The following CHL1 variants were observed in gnomAD, a reference collection of about 807,000 sequenced individuals.
CHL1 encodes cell adhesion molecule L1 like, also known as neural cell adhesion molecule L1-like protein.
Under a neutral mutation model 141.9 loss-of-function variants are expected in CHL1, and 96 were observed. The observed-to-expected ratio is 0.68, with a 90% CI of 0.57 to 0.80. CHL1 has a LOEUF of 0.80. CHL1 is among the 30% of genes least tolerant of loss of function. The pLI, the probability that CHL1 is intolerant of heterozygous loss-of-function variation, is 0.00. For synonymous variants in CHL1, 613 were observed against 502.2 expected (o/e 1.22, Z -2.95); for missense variants, 1,820 against 1,457.2 (o/e 1.25, Z -4.05).
At chr3:238,869 G>A (rs56694943) in intron 1 of CHL1, among the ~76,000 whole-genome samples, 1,759 of 152,156 alleles carry the variant, frequency 0.012, 34 homozygotes, top group African/African-American at 0.04. Context: ...GGAAGCAGAG[G>A]TTGCAGTGAG....
intron 1 of CHL1, among the ~76,000 whole-genome samples, chr3:209,474 C>A (rs552350330): frequency 1.8e-4 from 27 of 152,270 alleles, no homozygotes; most frequent in Non-Finnish European, 3.2e-4. Context: ...GAGTTCAGAT[C>A]ATTTATCTGA....
chr3:333,861 T>C (rs1400978946), intron 5 of CHL1, among the ~76,000 whole-genome samples: 1 of 152,242 alleles, frequency 6.6e-6, no homozygotes, highest in African/African-American at 2.4e-5. Context: ...CACACTTCAG[T>C]GCACAGATTA....
rs750694026 is a variant in CHL1, at chr3:405,595, G to T, written c.3559G>T (p.Asp1187Tyr). The T allele has an allele frequency of 1.2e-6, 2 of 1,613,464 alleles. No individual in the cohort carries two copies. The highest frequency in any genetic ancestry group is 1.7e-6 in the Non-Finnish European group (2 of 1,179,510). Residue 1187 changes from aspartate (D) to tyrosine (Y), a missense_variant, in exon 28 of 28, where the codon GAC becomes TAC. By Grantham distance (160) the Asp-to-Tyr change is radical. Transcript: ENST00000256509. Reference protein sequence around the residue: ...ADSLVEYGEGDHGLFSEDGSF... With the variant: ...ADSLVEYGEGYHGLFSEDGSF... ...CAGCTTAGTCGAATACGGAGAGGGA[G>T]ACCATGGTCTCTTCAGTGAAGATGG...
chr3:343,680 G>A (rs1244469222), intron 8 of CHL1, among the ~76,000 whole-genome samples: 1 of 152,128 alleles, frequency 6.6e-6, no homozygotes, highest in Non-Finnish European at 1.5e-5. Context: ...ATAAAATGTG[G>A]ACCAGTGATA....
intron 27 of CHL1, among the ~76,000 whole-genome samples, chr3:403,739 T>C (rs1412152086): frequency 6.6e-6 from 1 of 152,166 alleles, no homozygotes; most frequent in Non-Finnish European, 1.5e-5. Flanking sequence ...CCCTTTATAG[T>C]AGCTGATGTG....
chr3:206,009 C>T (rs1699405897), intron 1 of CHL1, among the ~76,000 whole-genome samples: 1 of 152,246 alleles, frequency 6.6e-6, no homozygotes, highest in Non-Finnish European at 1.5e-5. Flanking sequence ...CAGGATTCTC[C>T]AGCTATGGTC....
chr3:279,398 T>A (rs1217556756), intron 2 of CHL1, among the ~76,000 whole-genome samples: 1 of 152,198 alleles, frequency 6.6e-6, no homozygotes, highest in East Asian at 1.9e-4. Flanking sequence ...TTTTCCTTCT[T>A]CTTAAGGTAA....
chr3:340,996 A>G (rs183841858), intron 6 of CHL1, 80 bp downstream of exon 6: 275 of 1,406,046 alleles, frequency 2.0e-4, no homozygotes, highest in Admixed American at 1.3e-3. Flanking sequence ...GAATCCAAAG[A>G]CAAAATAAAA....
In CHL1 at chr3:360,987, A is replaced by T. The variant is rs555920025; in HGVS notation, c.1306+563A>T. 6.1e-4 allele frequency among the ~76,000 whole-genome samples: 92 copies of T among 151,588 alleles called. 1 individual carries two copies. In the South Asian group the frequency reaches 0.019, roughly 31 times the overall value. On this transcript the variant is annotated intron_variant, in intron 12 of 27. Coordinates refer to ENST00000256509, the MANE Select transcript of CHL1 (RefSeq NM_006614.4). ...GTGCCACATTTTCTTAATCCAGTCTATCATAGATGGACATTTGGGTTGGTT... is the reference window on the plus strand; with the variant it reads ...GTGCCACATTTTCTTAATCCAGTCTTTCATAGATGGACATTTGGGTTGGTT...
intron 7 of CHL1, 43 bp downstream of exon 7, chr3:342,125 C>T (rs1280711448): frequency 3.3e-6 from 5 of 1,518,958 alleles, no homozygotes; most frequent in Non-Finnish European, 2.7e-6. Context: ...ATGCTGAATG[C>T]AAATGTGTCT....
chr3:284,319 A>C, intron 2 of CHL1, among the ~76,000 whole-genome samples: 1 of 152,316 alleles, frequency 6.6e-6, no homozygotes, highest in Middle Eastern at 3.4e-3. Flanking sequence ...TGAAAAATTT[A>C]TTCATTAATT....
intron 1 of CHL1, among the ~76,000 whole-genome samples, chr3:220,480 T>C (rs112107270): frequency 0.12 from 17,938 of 151,918 alleles, 1,337 homozygotes; most frequent in African/African-American, 0.22. Flanking sequence ...GAGCCACACA[T>C]AAAATACACT....
intron 26 of CHL1, 37 bp downstream of exon 26, chr3:399,185 A>T: frequency 6.4e-7 from 1 of 1,559,276 alleles, no homozygotes; most frequent in Non-Finnish European, 8.8e-7. Context: ...CAACTTATTA[A>T]AAAGCATTTT....
chr3:326,248 C>T (rs960993769), intron 4 of CHL1, among the ~76,000 whole-genome samples, 184 bp downstream of exon 4: 3 of 151,926 alleles, frequency 2.0e-5, no homozygotes, highest in Non-Finnish European at 4.4e-5. Flanking sequence ...GTTTTTCTGC[C>T]ACTTGAATTT....
At chr3:322,655 T>C (rs1238493619) in intron 3 of CHL1, among the ~76,000 whole-genome samples, 1 of 139,978 alleles carries the variant, frequency 7.1e-6, no homozygotes, top group Non-Finnish European at 1.5e-5. Context: ...AATATATATA[T>C]ATATATATAT....
intron 19 of CHL1, among the ~76,000 whole-genome samples, chr3:385,295 A>C (rs529716271): frequency 3.1e-4 from 47 of 151,688 alleles, no homozygotes; most frequent in African/African-American, 1.1e-3. Context: ...AATCCTCACT[A>C]CTCCTTTGGG....
At chr3:343,799 G>A (rs967022722) in intron 8 of CHL1, among the ~76,000 whole-genome samples, 3 of 152,102 alleles carry the variant, frequency 2.0e-5, no homozygotes, top group African/African-American at 7.2e-5. Context: ...CATTTCCTTT[G>A]AGATTAATAA....
chr3:391,883 A>T lies in CHL1; in HGVS notation c.2914+86A>T. The T allele has an allele frequency of 2.7e-6, 3 of 1,095,144 alleles. No individual in the cohort carries two copies. The East Asian group carries it at 7.6e-5, about 28-fold the overall frequency. The allele number at this position is 1,095,144 out of a possible 1,614,324, so 67.8% of individuals were successfully genotyped here. ...TCTGTGCTATGTTGGGAGTCTAATG[A>T]TCACTTAAGGCCATGGTTTGTAAGC... On this transcript the variant is annotated intron_variant, in intron 23 of 27. Transcript: ENST00000256509.
At chr3:379,194 T>TA (rs1292280523) in intron 16 of CHL1, among the ~76,000 whole-genome samples, 4 of 151,854 alleles carry the variant, frequency 2.6e-5, no homozygotes, top group Non-Finnish European at 5.9e-5. Flanking sequence ...GAGAGACTGA[T>TA]AAAAAAATGG....
Sources: allele counts gnomAD v4.1 joint callset (sites outside exome capture counted in the v4.1 genomes callset), GRCh38; gene constraint gnomAD v4.1.1; transcripts MANE v1.5; gene names NCBI Gene and HGNC (gene_info 2026-07-23, HGNC 2026-07-21).